Variants in TMEM17 observed in about 807,000 individuals in gnomAD.
TMEM17 encodes the protein transmembrane protein 17.
In TMEM17, 15 loss-of-function variants were observed where a neutral mutation model predicts 19.1. That is an observed-to-expected ratio of 0.78 (90% CI 0.52 to 1.21). The LOEUF is 1.21. Ranked by LOEUF, TMEM17 falls within the 50% of genes most tolerant of loss-of-function variation. TMEM17 has a pLI of 0.00. For synonymous variants in TMEM17, 103 were observed against 86.9 expected, an observed-to-expected ratio of 1.19 and a Z score of -1.03; for missense variants, 245 against 242.3, an observed-to-expected ratio of 1.01 and a Z score of -0.07.
In TMEM17 at chr2:62,501,228, G is replaced by T; in HGVS notation, c.578C>A (p.Ser193Ter). The change falls in exon 4 of 4, where the codon TCA becomes TAA. Residue 193 changes from serine (S) to a stop codon, truncating the protein, a stop_gained. Transcript: ENST00000335390. LOFTEE classifies it high-confidence loss of function. ...ANRGDMRRMR[S>*]CIEEI The stretch of plus-strand genomic sequence containing the variant: ...ACTGGATCAGATCTCTTCTATACAT[G>T]ACCTCATCCTTCTCATGTCTCCTCT... 1 of 1,614,082 alleles carries T rather than the reference G, an allele frequency of 6.2e-7. No individual in the cohort carries two copies. Among genetic ancestry groups the T allele is most frequent in the South Asian group, 1.1e-5 (1 of 91,042 alleles).
At chr2:62,479,028 A>C in the TMEM17 span, among the ~76,000 whole-genome samples, 1 of 152,226 alleles carries the variant, frequency 6.6e-6, no homozygotes, top group South Asian at 2.1e-4. Context: ...CAGGGTAATT[A>C]GCATATGCGT....
chr2:62,492,980 C>T, the TMEM17 span, among the ~76,000 whole-genome samples: 1 of 152,110 alleles, frequency 6.6e-6, no homozygotes, highest in African/African-American at 2.4e-5. Flanking sequence ...CCTAATATGC[C>T]AGGCTAGGGA....
chr2:62,493,200 C>A, the TMEM17 span, among the ~76,000 whole-genome samples: 2 of 151,818 alleles, frequency 1.3e-5, no homozygotes, highest in African/African-American at 4.8e-5. Context: ...CTATTTTTTT[C>A]TATTTTTTGT....
At chr2:62,481,612 A>G in the TMEM17 span, among the ~76,000 whole-genome samples, 1 of 151,924 alleles carries the variant, frequency 6.6e-6, no homozygotes, top group African/African-American at 2.4e-5. Flanking sequence ...TTCCCTCTAT[A>G]CATAATTTAC....
At chr2:62,492,370 G>A in the TMEM17 span, among the ~76,000 whole-genome samples, 1 of 152,204 alleles carries the variant, frequency 6.6e-6, no homozygotes, top group Non-Finnish European at 1.5e-5. Context: ...TATTGATAAA[G>A]TCCCAGCACA....
At chr2:62,472,254 A>G in the TMEM17 span, among the ~76,000 whole-genome samples, 1 of 152,238 alleles carries the variant, frequency 6.6e-6, no homozygotes, top group Admixed American at 6.5e-5. Context: ...TGAGAGGGAC[A>G]CAAGAAATGT....
chr2:62,488,498 A>G, the TMEM17 span, among the ~76,000 whole-genome samples: 1 of 151,972 alleles, frequency 6.6e-6, no homozygotes, highest in East Asian at 1.9e-4. Flanking sequence ...GTTTTGAAAA[A>G]AAAAAAAAAA....
At chr2:62,478,469 T>C in the TMEM17 span, among the ~76,000 whole-genome samples, 1 of 152,230 alleles carries the variant, frequency 6.6e-6, no homozygotes, top group Non-Finnish European at 1.5e-5. Context: ...GAAAGGCACA[T>C]GGCAAGAAAT....
chr2:62,479,908 A>AAT, the TMEM17 span, among the ~76,000 whole-genome samples: 1 of 151,590 alleles, frequency 6.6e-6, no homozygotes, highest in African/African-American at 2.4e-5. Context: ...AAAAAAAAAA[A>AAT]AAAAAGATAA....
At chr2:62,468,119 C>G in the TMEM17 span, among the ~76,000 whole-genome samples, 1 of 152,050 alleles carries the variant, frequency 6.6e-6, no homozygotes, top group Non-Finnish European at 1.5e-5. Context: ...GATTCCCTTT[C>G]CCTCCTCTAG....
chr2:62,498,469 C>A (rs1268398620), downstream of TMEM17, among the ~76,000 whole-genome samples: 1 of 150,804 alleles, frequency 6.6e-6, no homozygotes, highest in African/African-American at 2.4e-5. Flanking sequence ...GTAATCCCAG[C>A]ACTTTGGGAG....
the TMEM17 span, among the ~76,000 whole-genome samples, chr2:62,456,012 A>G: frequency 1.3e-5 from 2 of 152,182 alleles, no homozygotes; most frequent in African/African-American, 4.8e-5. Flanking sequence ...CTTTGATAAA[A>G]TGTCTACGTG....
At position 62,500,612 on chromosome 2, in the gene TMEM17, A is replaced by ATT. The variant is rs36063898; in HGVS notation, c.*595_*596dup. On this transcript the variant is annotated 3_prime_UTR_variant, in exon 4 of 4. Coordinates refer to ENST00000335390, the MANE Select transcript of TMEM17 (RefSeq NM_198276.3). ...AGGTGCCTGCAACCACGCCTAGCTA[A>ATT]TTTTTTTTTTTTTTGTATTTTTAGT... 1.3e-3 allele frequency: 183 copies of ATT among 145,098 alleles called. No homozygotes were observed. The highest frequency in any genetic ancestry group is 3.0e-3 in the African/African-American group (117 of 39,356). 9.0% of individuals were successfully genotyped at this position (145,098 alleles called of 1,614,324 possible). A position where few individuals can be genotyped will look rare whatever the true frequency, so the allele number is the denominator to read the frequency against.
chr2:62,476,840 C>G, the TMEM17 span, among the ~76,000 whole-genome samples: 3 of 152,202 alleles, frequency 2.0e-5, no homozygotes, highest in African/African-American at 7.2e-5. Context: ...GTGTATTGGA[C>G]TTCCTGCTGA....
At chr2:62,487,922 T>C in the TMEM17 span, among the ~76,000 whole-genome samples, 2 of 152,230 alleles carry the variant, frequency 1.3e-5, no homozygotes, top group African/African-American at 2.4e-5. Context: ...CTCGAACTCC[T>C]GACCTGAGGT....
At chr2:62,463,163 G>T in the TMEM17 span, 1 of 152,252 alleles carries the variant, frequency 6.6e-6, no homozygotes, top group Admixed American at 6.5e-5. Flanking sequence ...CTGTGTGTCT[G>T]GGGGAGAAGA....
At chr2:62,455,037 T>C in the TMEM17 span, among the ~76,000 whole-genome samples, 1 of 152,180 alleles carries the variant, frequency 6.6e-6, no homozygotes, top group Non-Finnish European at 1.5e-5. Flanking sequence ...CCAATTTGCA[T>C]ATCATAAAAT....
chr2:62,469,043 G>A, the TMEM17 span, among the ~76,000 whole-genome samples: 2 of 150,978 alleles, frequency 1.3e-5, no homozygotes, highest in African/African-American at 4.9e-5. Flanking sequence ...AGATGGCCAA[G>A]CCAAACAATA....
the TMEM17 span, among the ~76,000 whole-genome samples, chr2:62,459,146 A>G: frequency 2.1e-4 from 32 of 152,366 alleles, 1 homozygote; most frequent in East Asian, 5.0e-3. Context: ...GACATTTCAG[A>G]TATGACAGGG....
Sources: gnomAD v4.1 joint callset for allele counts (sites outside exome capture counted in the v4.1 genomes callset) on GRCh38, gnomAD v4.1.1 for gene constraint, MANE v1.5 for transcripts, NCBI Gene and HGNC (gene_info 2026-07-23, HGNC 2026-07-21) for gene names.